The following C3orf38 variants were observed in gnomAD, a reference collection of about 807,000 sequenced individuals.
C3orf38 encodes chromosome 3 open reading frame 38.
Under a neutral mutation model 28.3 loss-of-function variants are expected in C3orf38, and 18 were observed. That is an observed-to-expected ratio of 0.64 (90% CI 0.44 to 0.94). C3orf38 has a LOEUF of 0.94. C3orf38 is among the 40% of genes least tolerant of loss of function. The pLI is 0.00. For synonymous variants in C3orf38, 145 were observed against 138.1 expected, an observed-to-expected ratio of 1.05 and a Z score of -0.35; for missense variants, 364 against 396.4, an observed-to-expected ratio of 0.92 and a Z score of 0.69.
At chr3:88,153,967 A>G (rs1707448955) in intron 2 of C3orf38, among the ~76,000 whole-genome samples, 2 of 152,342 alleles carry the variant, frequency 1.3e-5, no homozygotes, top group South Asian at 4.1e-4. Context: ...TTTCTGACAT[A>G]TAGTGATGCA....
chr3:88,154,714 CA>C (rs1183843323), intron 2 of C3orf38, among the ~76,000 whole-genome samples: 1 of 152,132 alleles, frequency 6.6e-6, no homozygotes, highest in Non-Finnish European at 1.5e-5. Context: ...TTAAATTAGG[CA>C]AATAACCAGT....
At chr3:88,152,541 T>G (rs1293211233) in intron 1 of C3orf38, among the ~76,000 whole-genome samples, 1 of 151,726 alleles carries the variant, frequency 6.6e-6, no homozygotes, top group Non-Finnish European at 1.5e-5. Flanking sequence ...GGCGGGCGGA[T>G]CATGAGGTCA....
Position 88,156,690 on chromosome 3 carries a change from C to T in C3orf38, c.*55C>T, listed in dbSNP as rs1707484820. 2 of 1,545,610 alleles carry T rather than the reference C, an allele frequency of 1.3e-6. No individual in the cohort carries two copies. Among genetic ancestry groups the T allele is most frequent in the Non-Finnish European group, 1.7e-6 (2 of 1,148,258 alleles). ...AAGAGAACTGGGTTTACCTGACCCTCTAAAGCGCTAAGTACTGTCAGCCTG... is the reference window on the plus strand; with the variant it reads ...AAGAGAACTGGGTTTACCTGACCCTTTAAAGCGCTAAGTACTGTCAGCCTG... On this transcript the variant is annotated 3_prime_UTR_variant, in exon 3 of 3. Coordinates refer to ENST00000318887, the MANE Select transcript of C3orf38 (RefSeq NM_173824.4).
At position 88,150,015 on chromosome 3, in the gene C3orf38, G is replaced by C. The variant is rs761598057; in HGVS notation, c.-38G>C. 13 of 1,602,298 alleles carry C rather than the reference G, an allele frequency of 8.1e-6. No homozygotes were observed. The highest frequency in any genetic ancestry group is 1.0e-5 in the Non-Finnish European group (12 of 1,176,036). ...CGCGGGCCCAGTGGGCCGTAGGGGC[G>C]ACATTGTTGCCGTTGTCTTTCCCCC... On this transcript the variant is annotated 5_prime_UTR_variant, in exon 1 of 3. Coordinates refer to ENST00000318887, the MANE Select transcript of C3orf38 (RefSeq NM_173824.4).
Position 88,149,981 on chromosome 3 carries a change from GT to G in C3orf38, c.-70del. 1 of 1,594,880 alleles carries G rather than the reference GT, an allele frequency of 6.3e-7. No homozygotes were observed. Among genetic ancestry groups the G allele is most frequent in the South Asian group, 1.1e-5 (1 of 89,996 alleles). On this transcript the variant is annotated 5_prime_UTR_variant, in exon 1 of 3. Coordinates refer to ENST00000318887, the MANE Select transcript of C3orf38 (RefSeq NM_173824.4). ...AACAAGAAAGGCACTTCCGGTGTCT[GT>G]TGCCAGGCGCGGGCCCAGTGGGCCG...
chr3:88,155,947 A>G, intron 2 of C3orf38, 74 bp from the exon 3 acceptor site: 1 of 1,212,318 alleles, frequency 8.2e-7, no homozygotes, highest in Non-Finnish European at 1.1e-6. Context: ...CAAACTTAAT[A>G]GGCTAGATAG....
intron 2 of C3orf38, among the ~76,000 whole-genome samples, chr3:88,155,354 A>G (rs1559746427): frequency 3.3e-5 from 5 of 151,844 alleles, no homozygotes; most frequent in Non-Finnish European, 1.5e-5. Context: ...TCACATATAT[A>G]CCTGTGATAT....
chr3:88,153,266 C>T lies in C3orf38; in HGVS notation c.170C>T (p.Ala57Val), dbSNP rs769625164. Reference protein sequence around the residue: ...VHAILAYSQSAEELLRRRKVH... With the variant: ...VHAILAYSQSVEELLRRRKVH... ...GCAATATTAGCATACAGTCAAAGTG[C>T]AGAAGAACTTCTGAGGCGTAGAAAA... Residue 57 changes from alanine (A) to valine (V), a missense_variant, in exon 2 of 3, where the codon GCA (alanine) becomes GTA (valine). Coordinates refer to ENST00000318887, the MANE Select transcript of C3orf38 (RefSeq NM_173824.4). 6.8e-6 allele frequency: 11 copies of T among 1,613,520 alleles called. No individual in the cohort carries two copies. Among genetic ancestry groups the T allele is most frequent in the Non-Finnish European group, 8.5e-6 (10 of 1,179,882 alleles).
intron 1 of C3orf38, among the ~76,000 whole-genome samples, chr3:88,152,672 G>T (rs535062473): frequency 4.0e-5 from 6 of 150,828 alleles, no homozygotes; most frequent in Admixed American, 6.6e-5. Flanking sequence ...GGAGAATGGC[G>T]TGAACCTGGG....
At chr3:88,151,586 A>T (rs949089787) in intron 1 of C3orf38, among the ~76,000 whole-genome samples, 2 of 152,190 alleles carry the variant, frequency 1.3e-5, no homozygotes, top group African/African-American at 4.8e-5. Context: ...CTCCAGGTTG[A>T]TGCTCATACT....
chr3:88,156,773 T>C lies in C3orf38; in HGVS notation c.*138T>C. On this transcript the variant is annotated 3_prime_UTR_variant, in exon 3 of 3. Transcript: ENST00000318887. Reference sequence around the variant, plus strand: ...TACTATATCAGTAATGTCTGAATGATTTCAGATGTGAAAATTGACATATTT... The same window carrying C: ...TACTATATCAGTAATGTCTGAATGACTTCAGATGTGAAAATTGACATATTT... 1 of 885,468 alleles carries C rather than the reference T, an allele frequency of 1.1e-6. No individual in the cohort carries two copies. Among genetic ancestry groups the C allele is most frequent in the Non-Finnish European group, 1.7e-6 (1 of 593,602 alleles). 54.9% of individuals were successfully genotyped at this position (885,468 alleles called of 1,614,324 possible).
At chr3:88,150,795 C>G (rs531874177) in intron 1 of C3orf38, 3 of 152,162 alleles carry the variant, frequency 2.0e-5, no homozygotes, top group African/African-American at 4.8e-5. Context: ...TGTCGGGTAG[C>G]TAGTTTTATT....
intron 2 of C3orf38, 98 bp downstream of exon 2, chr3:88,153,569 G>T (rs1707444558): frequency 5.0e-6 from 7 of 1,396,440 alleles, no homozygotes; most frequent in Non-Finnish European, 5.8e-6. Context: ...AATGTTTGTG[G>T]GGTTTTTTTA....
At position 88,156,831 on chromosome 3, in the gene C3orf38, C is replaced by A; in HGVS notation, c.*196C>A. On this transcript the variant is annotated 3_prime_UTR_variant, in exon 3 of 3. Transcript: ENST00000318887. ...AATACCTTTCTGGACTACAGACTTA[C>A]ATATCATGTGAATACTTACCTATTT... 3 of 577,972 alleles carry A rather than the reference C, an allele frequency of 5.2e-6. No homozygotes were observed. In the Admixed American group the frequency reaches 1.0e-4, roughly 20 times the overall value. The allele number at this position is 577,972 out of a possible 1,614,324, so 35.8% of individuals were successfully genotyped here. A position where few individuals can be genotyped will look rare whatever the true frequency, so the allele number is the denominator to read the frequency against.
In C3orf38 at chr3:88,156,890, A is replaced by G; in HGVS notation, c.*255A>G. ...GTTGCAGCAAGTATTCTGAAAGCTT[A>G]ATGCAAATAAATCCCACTTTAGATC... On this transcript the variant is annotated 3_prime_UTR_variant, in exon 3 of 3. Coordinates refer to ENST00000318887, the MANE Select transcript of C3orf38 (RefSeq NM_173824.4). 2.5e-6 allele frequency: 1 copy of G among 395,090 alleles called. No homozygotes were observed. Among genetic ancestry groups the G allele is most frequent in the Non-Finnish European group, 4.5e-6 (1 of 222,174 alleles). The allele number at this position is 395,090 out of a possible 1,614,324, so 24.5% of individuals were successfully genotyped here.
chr3:88,154,785 C>A (rs375561421), intron 2 of C3orf38, among the ~76,000 whole-genome samples: 2 of 152,002 alleles, frequency 1.3e-5, no homozygotes, highest in Non-Finnish European at 2.9e-5. Context: ...AGATCTCATA[C>A]ATCTCAGTAA....
chr3:88,156,839 G>A lies in C3orf38; in HGVS notation c.*204G>A, dbSNP rs1359409381. The A allele has an allele frequency of 9.4e-6, 5 of 529,248 alleles. No homozygotes were observed. The highest frequency in any genetic ancestry group is 1.6e-5 in the Non-Finnish European group (5 of 309,752). The allele number at this position is 529,248 out of a possible 1,614,324, so 32.8% of individuals were successfully genotyped here. A position where few individuals can be genotyped will look rare whatever the true frequency, so the allele number is the denominator to read the frequency against. ...TCTGGACTACAGACTTACATATCAT[G>A]TGAATACTTACCTATTTCTACCCGA... is the stretch of plus-strand genomic sequence containing the variant. On this transcript the variant is annotated 3_prime_UTR_variant, in exon 3 of 3. Coordinates refer to ENST00000318887, the MANE Select transcript of C3orf38 (RefSeq NM_173824.4).
rs1206725054 is a variant in C3orf38, at chr3:88,156,086, T to C, written c.441T>C (p.His147=). ...GTCGCCTAGGAGAAGAATTCTGTCATTGGTTCTTTGGACTTCTTAATTCTC... is the reference window on the plus strand; with the variant it reads ...GTCGCCTAGGAGAAGAATTCTGTCACTGGTTCTTTGGACTTCTTAATTCTC... ...DFRRLGEEFC[H]WFFGLLNSQN... Residue 147 remains histidine, a synonymous_variant, in exon 3 of 3, where the codon CAT becomes CAC. Coordinates refer to ENST00000318887, the MANE Select transcript of C3orf38 (RefSeq NM_173824.4). 5.0e-6 allele frequency: 8 copies of C among 1,589,838 alleles called. No individual in the cohort carries two copies. Among genetic ancestry groups the C allele is most frequent in the Non-Finnish European group, 6.8e-6 (8 of 1,170,406 alleles).
chr3:88,156,610 A>G lies in C3orf38; in HGVS notation c.965A>G (p.Asp322Gly). The G allele has an allele frequency of 1.9e-6, 3 of 1,611,378 alleles. No individual in the cohort carries two copies. Among genetic ancestry groups the G allele is most frequent in the Non-Finnish European group, 2.5e-6 (3 of 1,178,770 alleles). ...EVRHNVKQAS[D>G]SGTGDQV ...CGACATAATGTAAAGCAGGCTTCGG[A>G]TAGTGGAACTGGGGACCAAGTTTGA... The change falls in exon 3 of 3, where the codon GAT becomes GGT. Residue 322 changes from aspartate to glycine, a missense_variant. Physicochemically the swap from Asp to Gly is moderately conservative, Grantham distance 94. Transcript: ENST00000318887.
Sources: gnomAD v4.1 joint callset for allele counts (sites outside exome capture counted in the v4.1 genomes callset) on GRCh38, gnomAD v4.1.1 for gene constraint, MANE v1.5 for transcripts, NCBI Gene and HGNC (gene_info 2026-07-23, HGNC 2026-07-21) for gene names.